The following ATP10B variants were observed in gnomAD, a reference collection of about 807,000 sequenced individuals.
ATP10B encodes the protein phospholipid-transporting ATPase VB.
A neutral mutation model predicts 141.2 loss-of-function variants in ATP10B; 122 were observed. That is an observed-to-expected ratio of 0.86 (90% CI 0.75 to 1.00). The LOEUF is 1.00. Among genes scored for constraint, ATP10B ranks in the 50% least tolerant of loss-of-function variants. The pLI is 0.00. For synonymous variants in ATP10B, 685 were observed against 692.0 expected (o/e 0.99, Z 0.16); for missense variants, 1,876 against 1,825.3 (o/e 1.03, Z -0.51).
At chr5:160,756,114 A>C (rs955972189) in intron 2 of ATP10B, among the ~76,000 whole-genome samples, 1 of 150,734 alleles carries the variant, frequency 6.6e-6, no homozygotes, top group Non-Finnish European at 1.5e-5. Flanking sequence ...ATCACTGGTT[A>C]ATTTCTGTTC....
At chr5:160,673,670 A>C (rs1418539372) in intron 6 of ATP10B, among the ~76,000 whole-genome samples, 1 of 151,976 alleles carries the variant, frequency 6.6e-6, no homozygotes, top group Non-Finnish European at 1.5e-5. Context: ...TTGATTATTT[A>C]AACATTTTGT....
chr5:160,828,332 A>G (rs1263269407), intron 1 of ATP10B, among the ~76,000 whole-genome samples: 3 of 152,236 alleles, frequency 2.0e-5, no homozygotes, highest in African/African-American at 7.2e-5. Context: ...GCTAATATCC[A>G]GAATCTACAA....
At position 160,688,170 on chromosome 5, in the gene ATP10B, A is replaced by T. The variant is rs1018746284; in HGVS notation, c.-20-76T>A. Reference sequence around the variant, plus strand: ...TGGCCTGTTCATTTCTCCCCCATCCATGCAGGGTAGACACTGAAAGTAGTC... The same window carrying T: ...TGGCCTGTTCATTTCTCCCCCATCCTTGCAGGGTAGACACTGAAAGTAGTC... On this transcript the variant is annotated intron_variant, in intron 4 of 25. Transcript: ENST00000327245. 4.8e-6 allele frequency: 7 copies of T among 1,454,028 alleles called. No individual in the cohort carries two copies. In the Admixed American group the frequency reaches 8.6e-5, roughly 18 times the overall value. 90.1% of individuals were successfully genotyped at this position (1,454,028 alleles called of 1,614,324 possible).
chr5:160,626,072 C>T (rs1758595831), intron 13 of ATP10B, among the ~76,000 whole-genome samples: 1 of 152,256 alleles, frequency 6.6e-6, no homozygotes, highest in Non-Finnish European at 1.5e-5. Flanking sequence ...ACTGGTTTCC[C>T]ATGTGGACCA....
intron 7 of ATP10B, among the ~76,000 whole-genome samples, chr5:160,662,730 G>T (rs1466177702): frequency 1.3e-5 from 2 of 152,180 alleles, no homozygotes; most frequent in Non-Finnish European, 2.9e-5. Flanking sequence ...CAGGACATAG[G>T]CATGGGCAAG....
chr5:160,659,203 C>A (rs1027083524), intron 7 of ATP10B, among the ~76,000 whole-genome samples: 1 of 152,144 alleles, frequency 6.6e-6, no homozygotes, highest in Non-Finnish European at 1.5e-5. Context: ...CAGTGGCTCA[C>A]GCCTGTAATC....
intron 3 of ATP10B, among the ~76,000 whole-genome samples, chr5:160,693,250 T>A (rs776339991): frequency 2.6e-5 from 4 of 152,160 alleles, no homozygotes; most frequent in Non-Finnish European, 5.9e-5. Context: ...AAAATCTGAA[T>A]ATAAACTACA....
chr5:160,758,747 G>A (rs1215961527), intron 2 of ATP10B, among the ~76,000 whole-genome samples: 1 of 152,264 alleles, frequency 6.6e-6, no homozygotes, highest in African/African-American at 2.4e-5. Context: ...GTCCTGCAGG[G>A]TCATGTTTTG....
intron 13 of ATP10B, among the ~76,000 whole-genome samples, chr5:160,626,165 T>C (rs766205010): frequency 6.6e-6 from 1 of 152,230 alleles, no homozygotes; most frequent in Non-Finnish European, 1.5e-5. Context: ...CCAGACTATT[T>C]CTCGGAAGAA....
At position 160,839,291 on chromosome 5, in the gene ATP10B, C is replaced by T. The variant is rs191011809; in HGVS notation, c.-576+12650G>A. Among the ~76,000 whole-genome samples, 9 of 152,016 alleles carry T rather than the reference C, an allele frequency of 5.9e-5. No individual in the cohort carries two copies. In the South Asian group the frequency reaches 8.3e-4, roughly 14 times the overall value. On this transcript the variant is annotated intron_variant, in intron 1 of 25. Transcript: ENST00000327245. The stretch of plus-strand genomic sequence containing the variant: ...TCAGATGAGAATATATTTAGGATGA[C>T]GAAGAAAGTTCAGTTGCTGGAATTC...
chr5:160,888,573 C>T, the ATP10B span, among the ~76,000 whole-genome samples: 1 of 152,130 alleles, frequency 6.6e-6, no homozygotes, highest in Non-Finnish European at 1.5e-5. Flanking sequence ...CTAGAAGGAC[C>T]GTTCTTCTCT....
intron 18 of ATP10B, among the ~76,000 whole-genome samples, chr5:160,608,589 CTGT>C (rs1757535550): frequency 2.0e-5 from 3 of 152,228 alleles, no homozygotes; most frequent in African/African-American, 7.2e-5. Context: ...TCTCTAGCAC[CTGT>C]TGTTTCCTGA....
intron 2 of ATP10B, among the ~76,000 whole-genome samples, chr5:160,782,563 TG>T (rs1341399261): frequency 6.6e-6 from 1 of 151,970 alleles, no homozygotes; most frequent in East Asian, 1.9e-4. Context: ...TAGTCCTCTA[TG>T]GTTCTTCCCT....
At position 160,804,833 on chromosome 5, in the gene ATP10B, G is replaced by T. The variant is rs542467496; in HGVS notation, c.-575-19030C>A. Among the ~76,000 whole-genome samples the T allele has an allele frequency of 3.9e-5, 6 of 152,286 alleles. No individual in the cohort carries two copies. The South Asian group carries it at 1.2e-3, about 32-fold the overall frequency. ...CAGTAGCACCTCATGATGTTATTGT[G>T]AAGGCTAGTTGGATTACAGCTGTCC... On this transcript the variant is annotated intron_variant, in intron 1 of 25. Transcript: ENST00000327245.
intron 22 of ATP10B, among the ~76,000 whole-genome samples, chr5:160,591,587 C>T (rs779070719): frequency 1.1e-4 from 16 of 152,092 alleles, no homozygotes; most frequent in Middle Eastern, 3.4e-3. Flanking sequence ...AGATCTCAAT[C>T]GTAGCTCGAA....
chr5:160,910,975 G>GA, the ATP10B span, among the ~76,000 whole-genome samples: 2 of 152,160 alleles, frequency 1.3e-5, no homozygotes, highest in Non-Finnish European at 2.9e-5. Flanking sequence ...ACTAGTTGTT[G>GA]AAAAGAGTCT....
chr5:160,744,524 G>A (rs1316206393), intron 2 of ATP10B, among the ~76,000 whole-genome samples: 1 of 152,084 alleles, frequency 6.6e-6, no homozygotes, highest in African/African-American at 2.4e-5. Flanking sequence ...ATCTCCCTCA[G>A]TCAATGAGGC....
the ATP10B span, among the ~76,000 whole-genome samples, chr5:160,908,534 T>C: frequency 6.6e-6 from 1 of 152,190 alleles, no homozygotes; most frequent in Admixed American, 6.5e-5. Flanking sequence ...AGGATTAGGA[T>C]CAACTGACAT....
chr5:160,653,299 C>T lies in ATP10B; in HGVS notation c.676-4043G>A, dbSNP rs1037267399. Among the ~76,000 whole-genome samples, 28 of 123,910 alleles carry T rather than the reference C, an allele frequency of 2.3e-4. 2 individuals are homozygous for T. The highest frequency in any genetic ancestry group is 4.8e-4 in the South Asian group (2 of 4,170). 81.3% of individuals were successfully genotyped at this position (123,910 alleles called of 152,430 possible). A position where few individuals can be genotyped will look rare whatever the true frequency, so the allele number is the denominator to read the frequency against. Reference sequence around the variant, plus strand: ...CATACATAGGTAGTATATATACATACGTACATACATACATAGGTAGTATAT... The same window carrying T: ...CATACATAGGTAGTATATATACATATGTACATACATACATAGGTAGTATAT... On this transcript the variant is annotated intron_variant, in intron 7 of 25. Transcript: ENST00000327245.
Sources: gnomAD v4.1 joint callset for allele counts (sites outside exome capture counted in the v4.1 genomes callset) on GRCh38, gnomAD v4.1.1 for gene constraint, MANE v1.5 for transcripts, NCBI Gene and HGNC (gene_info 2026-07-23, HGNC 2026-07-21) for gene names.